The following ARHGAP22 variants were observed in gnomAD, a reference collection of about 807,000 sequenced individuals.
ARHGAP22 encodes the protein Rho GTPase activating protein 22, also known as rho GTPase-activating protein 22.
A neutral mutation model predicts 59.1 loss-of-function variants in ARHGAP22; 48 were observed. The ratio of observed to expected loss-of-function variants is 0.81; its 90% confidence interval spans 0.64 to 1.03. ARHGAP22 has a LOEUF of 1.03. Among genes scored for constraint, ARHGAP22 ranks in the 50% least tolerant of loss-of-function variants. ARHGAP22 has a pLI of 0.00. For synonymous variants in ARHGAP22, 445 were observed against 416.4 expected, an observed-to-expected ratio of 1.07 and a Z score of -0.84; for missense variants, 1,015 against 958.7, an observed-to-expected ratio of 1.06 and a Z score of -0.78.
chr10:48,571,735 T>C (rs925094387), intron 2 of ARHGAP22, among the ~76,000 whole-genome samples: 1 of 152,210 alleles, frequency 6.6e-6, no homozygotes, highest in East Asian at 1.9e-4. Context: ...CTGCTCTATA[T>C]AGCTTGGTCC....
At chr10:48,612,516 A>C (rs2060934320) in intron 1 of ARHGAP22, among the ~76,000 whole-genome samples, 1 of 152,204 alleles carries the variant, frequency 6.6e-6, no homozygotes. Context: ...ACCTGCTGTG[A>C]TGATGAGGCT....
chr10:48,452,371 G>A (rs771355102), intron 8 of ARHGAP22, among the ~76,000 whole-genome samples: 18 of 152,212 alleles, frequency 1.2e-4, no homozygotes, highest in Non-Finnish European at 2.1e-4. Flanking sequence ...CAAGAACCTA[G>A]GTGAAGCAGG....
chr10:48,626,654 C>G (rs749916332), intron 1 of ARHGAP22, among the ~76,000 whole-genome samples: 1 of 152,146 alleles, frequency 6.6e-6, no homozygotes, highest in African/African-American at 2.4e-5. Flanking sequence ...AATGTGCCCT[C>G]GCAGGAGACA....
chr10:48,509,153 G>A (rs772812468), intron 3 of ARHGAP22, among the ~76,000 whole-genome samples: 1 of 152,240 alleles, frequency 6.6e-6, no homozygotes. Context: ...AGCTGGGGGT[G>A]TGGGGACAGC....
chr10:48,449,150 T>C (rs559428810), intron 9 of ARHGAP22, among the ~76,000 whole-genome samples: 2 of 152,358 alleles, frequency 1.3e-5, no homozygotes, highest in African/African-American at 4.8e-5. Flanking sequence ...AGAGTTCCCA[T>C]GTACCCTGTA....
intron 3 of ARHGAP22, among the ~76,000 whole-genome samples, chr10:48,530,155 T>C (rs982939881): frequency 8.2e-5 from 12 of 145,902 alleles, no homozygotes; most frequent in African/African-American, 2.8e-4. Flanking sequence ...GAGAATTGCT[T>C]GAACCCAGGA....
At chr10:48,440,535 GAA>G in the ARHGAP22 span, among the ~76,000 whole-genome samples, 1 of 152,150 alleles carries the variant, frequency 6.6e-6, no homozygotes, top group African/African-American at 2.4e-5. Flanking sequence ...AAGGTTTGGA[GAA>G]GAGTATTCCA....
chr10:48,593,882 G>A (rs2059912479), intron 1 of ARHGAP22, among the ~76,000 whole-genome samples: 1 of 152,190 alleles, frequency 6.6e-6, no homozygotes, highest in African/African-American at 2.4e-5. Flanking sequence ...ACACAGTTAG[G>A]TCTGGAAGGA....
Position 48,652,234 on chromosome 10 carries a change from T to C in ARHGAP22, c.52A>G (p.Thr18Ala), listed in dbSNP as rs1158525827. ...ACATAGAACATAAAAAAATTCTTAC[T>C]GAAATATCTGGCTGCAAACGTCCTC... Residue 18 changes from threonine to alanine, a missense_variant and splice_region_variant, in exon 1 of 10, where the codon ACC becomes GCC. Thr to Ala is a moderately conservative substitution (Grantham distance 58). Coordinates refer to the ARHGAP22 transcript ENST00000435790. 5 of 1,535,290 alleles carry C rather than the reference T, an allele frequency of 3.3e-6. No homozygotes were observed. In the African/African-American group the frequency reaches 6.8e-5, roughly 21 times the overall value.
chr10:48,626,535 A>G (rs1335790356), intron 1 of ARHGAP22, among the ~76,000 whole-genome samples: 1 of 152,196 alleles, frequency 6.6e-6, no homozygotes. Context: ...TTCCAGACCC[A>G]TGGCACATTC....
intron 9 of ARHGAP22, among the ~76,000 whole-genome samples, chr10:48,449,540 G>C (rs1377781420): frequency 6.6e-6 from 1 of 152,222 alleles, no homozygotes; most frequent in Non-Finnish European, 1.5e-5. Context: ...CCTGCTAGTG[G>C]GTGGGACCCA....
chr10:48,640,769 T>C (rs2062011229), intron 1 of ARHGAP22, among the ~76,000 whole-genome samples: 1 of 152,208 alleles, frequency 6.6e-6, no homozygotes, highest in Admixed American at 6.5e-5. Context: ...GTAACTTGAA[T>C]CTGTAGGAAT....
chr10:48,506,025 G>T (rs923651566), intron 3 of ARHGAP22, among the ~76,000 whole-genome samples: 1 of 152,152 alleles, frequency 6.6e-6, no homozygotes, highest in African/African-American at 2.4e-5. Context: ...TGGCCACCAC[G>T]TATCTCTCAC....
chr10:48,491,876 C>T (rs138873757), intron 3 of ARHGAP22, among the ~76,000 whole-genome samples: 52 of 152,336 alleles, frequency 3.4e-4, no homozygotes, highest in African/African-American at 1.2e-3. Context: ...ACTATGACCC[C>T]GGGAAGTCTG....
chr10:48,626,334 G>C (rs1412273131), intron 1 of ARHGAP22, among the ~76,000 whole-genome samples: 1 of 152,282 alleles, frequency 6.6e-6, no homozygotes, highest in Middle Eastern at 3.4e-3. Flanking sequence ...GATGTCCCCA[G>C]GGTCTTAATC....
intron 2 of ARHGAP22, among the ~76,000 whole-genome samples, chr10:48,560,715 A>G (rs1590189441): frequency 6.6e-6 from 1 of 152,178 alleles, no homozygotes; most frequent in East Asian, 1.9e-4. Flanking sequence ...TCAGGAAGCA[A>G]TATTGAATGC....
chr10:48,513,371 T>C (rs557525763), intron 3 of ARHGAP22, among the ~76,000 whole-genome samples: 1 of 152,284 alleles, frequency 6.6e-6, no homozygotes, highest in East Asian at 1.9e-4. Context: ...AGGGCCTCTG[T>C]CTCTCATCTC....
At chr10:48,465,675 C>CATA (rs1202909002) in intron 4 of ARHGAP22, among the ~76,000 whole-genome samples, 2 of 152,228 alleles carry the variant, frequency 1.3e-5, no homozygotes, top group Non-Finnish European at 2.9e-5. Context: ...CGCAGCAGGT[C>CATA]TGCTTCAGTC....
At chr10:48,549,070 C>T (rs895228016) in intron 3 of ARHGAP22, among the ~76,000 whole-genome samples, 2 of 152,216 alleles carry the variant, frequency 1.3e-5, no homozygotes, top group Non-Finnish European at 2.9e-5. Context: ...GTGGTGTGCT[C>T]AGCTTCATTC....
Sources: allele counts gnomAD v4.1 joint callset (sites outside exome capture counted in the v4.1 genomes callset), GRCh38; gene constraint gnomAD v4.1.1; transcripts MANE v1.5; gene names NCBI Gene and HGNC (gene_info 2026-07-23, HGNC 2026-07-21).